The following SESTD1 variants were observed in gnomAD, a reference collection of about 807,000 sequenced individuals.
SESTD1 encodes SEC14 and spectrin domain containing 1.
In SESTD1, 43 loss-of-function variants were observed where a neutral mutation model predicts 101.7. The observed-to-expected ratio is 0.42, with a 90% CI of 0.33 to 0.55. The LOEUF is 0.55. SESTD1 is among the 20% of genes least tolerant of loss of function. The pLI, the probability that SESTD1 is intolerant of heterozygous loss-of-function variation, is 0.07. For missense variants in SESTD1, 647 were observed against 815.1 expected, an observed-to-expected ratio of 0.79 and a Z score of 2.51; for synonymous variants, 283 against 286.8, an observed-to-expected ratio of 0.99 and a Z score of 0.13.
intron 9 of SESTD1, among the ~76,000 whole-genome samples, chr2:179,132,647 A>C (rs2045037990): frequency 6.6e-6 from 1 of 152,226 alleles, no homozygotes; most frequent in African/African-American, 2.4e-5. Context: ...GTAGCATCAC[A>C]AGCTTTCAGC....
Position 179,103,699 on chromosome 2 carries a change from T to G in SESTD1, c.*6200A>C, listed in dbSNP as rs2044321630. On this transcript the variant is annotated 3_prime_UTR_variant, in exon 18 of 18. Transcript: ENST00000428443. ...ATAAAGTTTTAGAACAGAAAAATCTTATGGTAGAAAAAGGAACAGTGGTTG... is the reference window on the plus strand; with the variant it reads ...ATAAAGTTTTAGAACAGAAAAATCTGATGGTAGAAAAAGGAACAGTGGTTG... 1 of 152,078 alleles carries G rather than the reference T, an allele frequency of 6.6e-6. No homozygotes were observed. The highest frequency in any genetic ancestry group is 2.4e-5 in the African/African-American group (1 of 41,426). The allele number at this position is 152,078 out of a possible 1,614,324, so 9.4% of individuals were successfully genotyped here. A position where few individuals can be genotyped will look rare whatever the true frequency, so the allele number is the denominator to read the frequency against.
chr2:179,118,447 T>G (rs1164374655), intron 13 of SESTD1, among the ~76,000 whole-genome samples: 1 of 152,224 alleles, frequency 6.6e-6, no homozygotes, highest in Non-Finnish European at 1.5e-5. Flanking sequence ...GGACTCCCAC[T>G]GCAGTCTCAA....
intron 5 of SESTD1, among the ~76,000 whole-genome samples, chr2:179,171,455 T>C (rs1380641681): frequency 6.6e-6 from 1 of 152,172 alleles, no homozygotes; most frequent in African/African-American, 2.4e-5. Context: ...TCCAAGGGCC[T>C]ATATTATACC....
chr2:179,234,752 T>C (rs2047041810), intron 1 of SESTD1, among the ~76,000 whole-genome samples: 6 of 152,060 alleles, frequency 3.9e-5, no homozygotes, highest in Admixed American at 3.9e-4. Context: ...CATGAGGAAA[T>C]AGCAGACAAA....
At chr2:179,243,200 C>T (rs2047180166) in intron 1 of SESTD1, among the ~76,000 whole-genome samples, 1 of 152,008 alleles carries the variant, frequency 6.6e-6, no homozygotes, top group Admixed American at 6.6e-5. Flanking sequence ...CACTAGTCAT[C>T]AGAGAAATGC....
At chr2:179,183,043 C>T (rs776022563) in intron 3 of SESTD1, 37 bp downstream of exon 3, 12 of 1,377,342 alleles carry the variant, frequency 8.7e-6, no homozygotes, top group African/African-American at 1.5e-5. Flanking sequence ...TGAATGAAAA[C>T]ATACTGAGAT....
chr2:179,254,835 G>A (rs1004032828), intron 1 of SESTD1, among the ~76,000 whole-genome samples: 4 of 152,290 alleles, frequency 2.6e-5, no homozygotes, highest in Non-Finnish European at 5.9e-5. Context: ...TAGATTGAAG[G>A]TTGGTGATAA....
At position 179,170,654 on chromosome 2, in the gene SESTD1, G is replaced by C. The variant is rs577857507; in HGVS notation, c.369+1466C>G. Among the ~76,000 whole-genome samples the C allele has an allele frequency of 3.3e-5, 5 of 152,252 alleles. No individual in the cohort carries two copies. In the South Asian group the frequency reaches 1.0e-3, roughly 32 times the overall value. On this transcript the variant is annotated intron_variant, in intron 5 of 17. Transcript: ENST00000428443. Reference sequence around the variant, plus strand: ...TTAGTAAGATGAGTGGTGGCTGTGGGCCTCTAAACAGATTCAAGATGAAGG... The same window carrying C: ...TTAGTAAGATGAGTGGTGGCTGTGGCCCTCTAAACAGATTCAAGATGAAGG...
At chr2:179,159,107 C>A (rs1334641884) in intron 5 of SESTD1, among the ~76,000 whole-genome samples, 2 of 152,084 alleles carry the variant, frequency 1.3e-5, no homozygotes, top group Non-Finnish European at 2.9e-5. Flanking sequence ...TAAGAGTGTG[C>A]AATAGTAGGA....
At chr2:179,130,211 C>G (rs1391223238) in intron 10 of SESTD1, among the ~76,000 whole-genome samples, 1 of 152,166 alleles carries the variant, frequency 6.6e-6, no homozygotes, top group East Asian at 1.9e-4. Context: ...AAAGGATCCC[C>G]CCTGGGTATC....
intron 1 of SESTD1, among the ~76,000 whole-genome samples, chr2:179,232,693 A>G (rs550364397): frequency 6.6e-6 from 1 of 151,824 alleles, no homozygotes; most frequent in Non-Finnish European, 1.5e-5. Flanking sequence ...AAAAATTAAT[A>G]AAGAGATCTC....
chr2:179,261,684 T>C (rs1023333040), intron 1 of SESTD1, among the ~76,000 whole-genome samples: 1 of 151,972 alleles, frequency 6.6e-6, no homozygotes, highest in Non-Finnish European at 1.5e-5. Flanking sequence ...CATTGCTACA[T>C]TGCTATAACC....
At chr2:179,135,142 A>C (rs2045110739) in intron 9 of SESTD1, among the ~76,000 whole-genome samples, 1 of 151,944 alleles carries the variant, frequency 6.6e-6, no homozygotes, top group African/African-American at 2.4e-5. Context: ...ATGGGGTTTC[A>C]CCATCTTGGC....
At chr2:179,157,546 TA>T (rs1184145510) in intron 5 of SESTD1, among the ~76,000 whole-genome samples, 6 of 152,150 alleles carry the variant, frequency 3.9e-5, no homozygotes, top group African/African-American at 1.4e-4. Flanking sequence ...ATTTCATATT[TA>T]AAATCGTAAG....
chr2:179,228,578 C>T (rs1164904366), intron 1 of SESTD1, among the ~76,000 whole-genome samples: 1 of 152,106 alleles, frequency 6.6e-6, no homozygotes, highest in Non-Finnish European at 1.5e-5. Flanking sequence ...TAACCCAGGC[C>T]GTTGGCATTA....
chr2:179,155,024 C>T (rs1232827935), intron 5 of SESTD1, among the ~76,000 whole-genome samples: 1 of 152,068 alleles, frequency 6.6e-6, no homozygotes, highest in African/African-American at 2.4e-5. Context: ...AAGGATTCTC[C>T]TGTCTCAGCC....
chr2:179,154,538 C>T (rs780263255), intron 5 of SESTD1, among the ~76,000 whole-genome samples: 6 of 152,066 alleles, frequency 3.9e-5, no homozygotes, highest in Non-Finnish European at 7.4e-5. Context: ...AAAAAGACAA[C>T]TATTACAAAT....
chr2:179,185,621 A>G (rs1449757968), intron 2 of SESTD1, among the ~76,000 whole-genome samples: 1 of 129,544 alleles, frequency 7.7e-6, no homozygotes, highest in African/African-American at 3.1e-5. Context: ...ACACTATTAT[A>G]CAATATATAA....
intron 5 of SESTD1, among the ~76,000 whole-genome samples, chr2:179,170,391 C>T (rs193127797): frequency 6.6e-4 from 100 of 152,176 alleles, no homozygotes; most frequent in African/African-American, 2.2e-3. Context: ...CAAAAAAGAC[C>T]TTATTTTTTT....
Sources: allele counts gnomAD v4.1 joint callset (sites outside exome capture counted in the v4.1 genomes callset), GRCh38; gene constraint gnomAD v4.1.1; transcripts MANE v1.5; gene names NCBI Gene and HGNC (gene_info 2026-07-23, HGNC 2026-07-21).